PARP2: variants seen among roughly 807,000 people sequenced by gnomAD.
PARP2 encodes the protein poly(ADP-ribose) polymerase 2.
PARP2 carries 57 observed loss-of-function variants against 77.8 expected under a neutral mutation model. The ratio of observed to expected loss-of-function variants is 0.73; its 90% CI spans 0.59 to 0.91. The LOEUF (loss-of-function observed/expected upper bound fraction) is 0.91. PARP2 is among the 40% of genes least tolerant of loss of function. PARP2 has a pLI of 0.00. For synonymous variants in PARP2, 226 were observed against 242.6 expected, an observed-to-expected ratio of 0.93 and a Z score of 0.64; for missense variants, 651 against 689.0, an observed-to-expected ratio of 0.94 and a Z score of 0.62.
chr14:20,346,944 AT>A, intron 4 of PARP2, 31 bp downstream of exon 4: 1 of 1,382,178 alleles, frequency 7.2e-7, no homozygotes, highest in South Asian at 1.2e-5. Context: ...GCACCATTAT[AT>A]TTATGAGACC....
intron 14 of PARP2, 107 bp from the exon 15 acceptor site, chr14:20,357,289 C>A: frequency 1.5e-6 from 2 of 1,373,902 alleles, no homozygotes; most frequent in Non-Finnish European, 2.0e-6. Flanking sequence ...ACATTGGATT[C>A]CTCTGCTGGA....
rs774480191 is a variant in PARP2 at position 20,346,853 on chromosome 14, C to T, written c.274-10C>T. 6.5e-7 allele frequency: 1 copy of T among 1,536,946 alleles called. No individual in the cohort carries two copies. Among genetic ancestry groups the T allele is most frequent in the Non-Finnish European group, 8.9e-7 (1 of 1,124,962 alleles). On this transcript the variant is annotated splice_polypyrimidine_tract_variant and intron_variant, in intron 3 of 15. Coordinates refer to ENST00000429687, the MANE Select transcript of PARP2 (RefSeq NM_001042618.2). Reference sequence around the variant, plus strand: ...ACTAATGTTGATTTTTTCTCTCTCTCCCTTTCTAGGCTCATGTGTATTGTG... The same window carrying T: ...ACTAATGTTGATTTTTTCTCTCTCTTCCTTTCTAGGCTCATGTGTATTGTG...
chr14:20,347,657 C>T (rs1883818128), intron 4 of PARP2, among the ~76,000 whole-genome samples: 1 of 150,938 alleles, frequency 6.6e-6, no homozygotes, highest in Admixed American at 6.6e-5. Context: ...GTGATCCACC[C>T]ACCTCACCCT....
chr14:20,343,786 A>T, intron 1 of PARP2, 99 bp downstream of exon 1: 2 of 1,295,388 alleles, frequency 1.5e-6, no homozygotes, highest in African/African-American at 1.5e-5. Context: ...AGCTCCCTAT[A>T]ACCTGCACTT....
At position 20,344,988 on chromosome 14, in the gene PARP2, C is replaced by T; in HGVS notation, c.103C>T (p.Pro35Ser). ...NGNTAPEDSS[P>S]AKKTRRCQRQ... The stretch of plus-strand genomic sequence containing the variant: ...CAACACGGCTCCAGAAGACTCTTCC[C>T]CTGCCAAGAAAACTCGTAGATGCCA... Residue 35 changes from proline to serine, a missense_variant, in exon 2 of 16, where the codon CCT (proline) becomes TCT (serine). Physicochemically the swap from Pro to Ser is moderately conservative, Grantham distance 74. Transcript: ENST00000429687. 6.2e-7 allele frequency: 1 copy of T among 1,613,980 alleles called. No individual in the cohort carries two copies. The highest frequency in any genetic ancestry group is 8.5e-7 in the Non-Finnish European group (1 of 1,179,908).
At position 20,355,585 on chromosome 14, in the gene PARP2, T is replaced by A. The variant is rs1884114634; in HGVS notation, c.903-167T>A. 2.9e-5 allele frequency: 15 copies of A among 512,256 alleles called. No homozygotes were observed. The South Asian group carries it at 4.8e-4, about 16-fold the overall frequency. 31.7% of individuals were successfully genotyped at this position (512,256 alleles called of 1,614,324 possible). A position where few individuals can be genotyped will look rare whatever the true frequency, so the allele number is the denominator to read the frequency against. On this transcript the variant is annotated intron_variant, in intron 9 of 15. Coordinates refer to ENST00000429687, the MANE Select transcript of PARP2 (RefSeq NM_001042618.2). ...CGAGTATATATTTAATATTATTTTA[T>A]ATATTTGGAAGTTAAGATCTCTTTA...
Position 20,352,297 on chromosome 14 carries a change from G to A in PARP2, c.550G>A (p.Val184Met). ...NWEDREKFEKVPGKYDMLQMD... is the reference protein window; with the variant it reads ...NWEDREKFEKMPGKYDMLQMD... Reference sequence around the variant, plus strand: ...GGAAGATCGAGAAAAGTTTGAGAAGGTGCCTGGAAAATATGATATGCTACA... The same window carrying A: ...GGAAGATCGAGAAAAGTTTGAGAAGATGCCTGGAAAATATGATATGCTACA... The change falls in exon 7 of 16, where the codon GTG becomes ATG. Residue 184 changes from valine to methionine, a missense_variant. By Grantham distance (21) the Val-to-Met change is conservative. Transcript: ENST00000429687. 1 of 1,613,442 alleles carries A rather than the reference G, an allele frequency of 6.2e-7. No homozygotes were observed. The highest frequency in any genetic ancestry group is 8.5e-7 in the Non-Finnish European group (1 of 1,179,356).
rs766568375 is a variant in PARP2, at chr14:20,355,950, C to T, written c.1020C>T (p.Ser340=). 2 of 1,614,058 alleles carry T rather than the reference C, an allele frequency of 1.2e-6. No homozygotes were observed. Among genetic ancestry groups the T allele is most frequent in the Non-Finnish European group, 1.7e-6 (2 of 1,179,910 alleles). The part of the protein sequence containing the change: ...AIKLVKTELQ[S]PEHPLDQHYR... ...AGCTGGTGAAAACAGAGCTACAAAG[C>T]CCAGAACACCCATTGGACCAACACT... The change falls in exon 11 of 16, where the codon AGC becomes AGT. Residue 340 remains serine, a synonymous_variant. Coordinates refer to ENST00000429687, the MANE Select transcript of PARP2 (RefSeq NM_001042618.2).
chr14:20,350,495 T>C (rs767300774), intron 4 of PARP2, 31 bp from the exon 5 acceptor site: 25 of 1,218,300 alleles, frequency 2.1e-5, no homozygotes, highest in Admixed American at 2.0e-4. Flanking sequence ...GCAAAACTCC[T>C]TTTTTTTGTT....
In PARP2 at chr14:20,350,628, G is replaced by C; in HGVS notation, c.421+6G>C. On this transcript the variant is annotated splice_donor_region_variant and intron_variant, in intron 5 of 15. Coordinates refer to ENST00000429687, the MANE Select transcript of PARP2 (RefSeq NM_001042618.2). Reference sequence around the variant, plus strand: ...TTGGATGAGATGGGGCCGAGGTAATGATTTTTATTGAGATTTTATGAGTTG... The same window carrying C: ...TTGGATGAGATGGGGCCGAGGTAATCATTTTTATTGAGATTTTATGAGTTG... The C allele has an allele frequency of 1.3e-6, 2 of 1,558,930 alleles. No individual in the cohort carries two copies. The highest frequency in any genetic ancestry group is 1.8e-6 in the Non-Finnish European group (2 of 1,130,008).
rs1884062729 is a variant in PARP2 at position 20,354,248 on chromosome 14, G to A, written c.763+1G>A. ...TATAATACCAAGAAAGCCCCACTTGGTAGGACTTCACATTTTCTTCTGCAT... is the reference window on the plus strand; with the variant it reads ...TATAATACCAAGAAAGCCCCACTTGATAGGACTTCACATTTTCTTCTGCAT... On this transcript the variant is annotated splice_donor_variant, in intron 8 of 15. Transcript: ENST00000429687. LOFTEE classifies it high-confidence loss of function. 6.2e-7 allele frequency: 1 copy of A among 1,609,578 alleles called. No individual in the cohort carries two copies. The highest frequency in any genetic ancestry group is 2.2e-5 in the East Asian group (1 of 44,842).
At chr14:20,355,848 C>T (rs368991845) in intron 10 of PARP2, 33 bp downstream of exon 10, 24 of 1,612,574 alleles carry the variant, frequency 1.5e-5, no homozygotes, top group Middle Eastern at 1.6e-4. Flanking sequence ...AGTATTATAT[C>T]CCTTATACCA....
chr14:20,347,268 G>T (rs1345839472), intron 4 of PARP2, among the ~76,000 whole-genome samples: 1 of 144,682 alleles, frequency 6.9e-6, no homozygotes, highest in Non-Finnish European at 1.5e-5. Flanking sequence ...GTGACTTCAA[G>T]TGATCCACCC....
intron 14 of PARP2, 91 bp downstream of exon 14, chr14:20,357,240 C>A: frequency 7.5e-7 from 1 of 1,325,490 alleles, no homozygotes; most frequent in Non-Finnish European, 1.1e-6. Context: ...AGAGGTTTAC[C>A]TGGGATAGCT....
At chr14:20,344,686 G>A (rs555621407) in intron 1 of PARP2, among the ~76,000 whole-genome samples, 54 of 152,202 alleles carry the variant, frequency 3.5e-4, no homozygotes, top group Admixed American at 8.5e-4. Context: ...GGTGGTGCAC[G>A]CCTGTAATCC....
intron 8 of PARP2, 71 bp downstream of exon 8, chr14:20,354,318 C>A: frequency 2.4e-6 from 3 of 1,237,730 alleles, no homozygotes; most frequent in Non-Finnish European, 3.5e-6. Flanking sequence ...ACTTTATTAT[C>A]ATTATGATTT....
chr14:20,343,715 A>G, intron 1 of PARP2, 28 bp downstream of exon 1: 1 of 1,606,708 alleles, frequency 6.2e-7, no homozygotes, highest in South Asian at 1.1e-5. Context: ...GCGGGACGGC[A>G]TGCGGGGGGC....
intron 7 of PARP2, chr14:20,352,580 G>C (rs1884000727): frequency 8.3e-6 from 2 of 239,726 alleles, no homozygotes; most frequent in Admixed American, 6.7e-5. Flanking sequence ...TAAAGATGAG[G>C]TTTCACTATG....
Position 20,357,383 on chromosome 14 carries a change from T to C in PARP2, c.1429-13T>C. 1 of 1,586,920 alleles carries C rather than the reference T, an allele frequency of 6.3e-7. No homozygotes were observed. The highest frequency in any genetic ancestry group is 8.5e-7 in the Non-Finnish European group (1 of 1,170,074). ...AGTAGGATATGGGAATTCAAAGGTTTTTTGCTTTGCAGGTAGCTCTAGGTC... is the reference window on the plus strand; with the variant it reads ...AGTAGGATATGGGAATTCAAAGGTTCTTTGCTTTGCAGGTAGCTCTAGGTC... On this transcript the variant is annotated splice_polypyrimidine_tract_variant and intron_variant, in intron 14 of 15. Transcript: ENST00000429687.
Sources: gnomAD v4.1 joint callset for allele counts (sites outside exome capture counted in the v4.1 genomes callset) on GRCh38, gnomAD v4.1.1 for gene constraint, MANE v1.5 for transcripts, NCBI Gene and HGNC (gene_info 2026-07-23, HGNC 2026-07-21) for gene names.